The following EIF3H variants were observed in gnomAD, a reference collection of about 807,000 sequenced individuals.
EIF3H encodes the protein eukaryotic translation initiation factor 3 subunit H, also known as eIF-3-gamma.
Under a neutral mutation model 44.2 loss-of-function variants are expected in EIF3H, and 26 were observed. The ratio of observed to expected loss-of-function variants is 0.59; its 90% CI spans 0.43 to 0.82. EIF3H has a LOEUF of 0.82. Among genes scored for constraint, EIF3H ranks in the 40% least tolerant of loss-of-function variants. The pLI is 0.00. For missense variants in EIF3H, 359 were observed against 432.8 expected (o/e 0.83, Z 1.51); for synonymous variants, 166 against 151.9 (o/e 1.09, Z -0.68).
At chr8:116,752,718 A>AAGAAG (rs1815366852) in intron 1 of EIF3H, among the ~76,000 whole-genome samples, 1 of 121,902 alleles carries the variant, frequency 8.2e-6, no homozygotes, top group Non-Finnish European at 1.8e-5. Flanking sequence ...GAAAGAAAGA[A>AAGAAG]AGAAAGAAAG....
chr8:116,705,163 G>A (rs761450813), intron 2 of EIF3H, among the ~76,000 whole-genome samples: 2 of 152,120 alleles, frequency 1.3e-5, no homozygotes, highest in Non-Finnish European at 2.9e-5. Flanking sequence ...ATAATCAACA[G>A]TATGACCAAG....
At chr8:116,757,989 T>G (rs1328201982), upstream of EIF3H, among the ~76,000 whole-genome samples, 1 of 152,232 alleles carries the variant, frequency 6.6e-6, no homozygotes, top group African/African-American at 2.4e-5. Flanking sequence ...CCCAAAGTGC[T>G]GGGATTATAG....
chr8:116,647,029 A>G (rs916263456), intron 6 of EIF3H, among the ~76,000 whole-genome samples: 2 of 152,190 alleles, frequency 1.3e-5, no homozygotes, highest in African/African-American at 4.8e-5. Flanking sequence ...TTGACCTAAA[A>G]TAACAATACA....
At chr8:116,760,496 C>T (rs1452430982), upstream of EIF3H, among the ~76,000 whole-genome samples, 1 of 152,114 alleles carries the variant, frequency 6.6e-6, no homozygotes. Flanking sequence ...AGCATGTGGT[C>T]ATTTTCTGTA....
chr8:116,737,463 C>G (rs1432188942), intron 1 of EIF3H, among the ~76,000 whole-genome samples: 1 of 152,094 alleles, frequency 6.6e-6, no homozygotes, highest in African/African-American at 2.4e-5. Flanking sequence ...CGAGACCACT[C>G]TGGCCAACAT....
intron 2 of EIF3H, among the ~76,000 whole-genome samples, chr8:116,666,753 CAAAAAAAAAAAAA>C (rs56700266): frequency 2.8e-5 from 2 of 71,432 alleles, no homozygotes; most frequent in Non-Finnish European, 4.6e-5. Context: ...TAGTGTTAGG[CAAAAAAAAAAAAA>C]AAAAAAAAAA....
chr8:116,660,942 C>A (rs1490731374), intron 2 of EIF3H, among the ~76,000 whole-genome samples: 1 of 152,194 alleles, frequency 6.6e-6, no homozygotes, highest in Non-Finnish European at 1.5e-5. Flanking sequence ...CACAATATGA[C>A]AGCCGAAAAA....
chr8:116,657,146 G>A, intron 4 of EIF3H, 69 bp downstream of exon 4: 1 of 1,321,700 alleles, frequency 7.6e-7, no homozygotes, highest in Non-Finnish European at 1.1e-6. Flanking sequence ...AAGGATTCAA[G>A]AGATGTGGCA....
upstream of EIF3H, chr8:116,756,002 T>C (rs551786527): frequency 9.7e-5 from 149 of 1,536,188 alleles, 2 homozygotes; most frequent in South Asian, 1.0e-3. Context: ...ATTTTCGACC[T>C]CTTTCCGATG....
At chr8:116,709,779 A>G (rs1456372298) in intron 2 of EIF3H, among the ~76,000 whole-genome samples, 4 of 152,242 alleles carry the variant, frequency 2.6e-5, no homozygotes, top group Non-Finnish European at 5.9e-5. Flanking sequence ...ATCTACCTCA[A>G]CATTGTGCCA....
chr8:116,730,211 G>C (rs1057393087), intron 1 of EIF3H, among the ~76,000 whole-genome samples: 3 of 152,184 alleles, frequency 2.0e-5, no homozygotes, highest in Admixed American at 2.0e-4. Context: ...GCCACGGACA[G>C]GTACTGCTCG....
At chr8:116,724,108 A>T (rs1814795562) in intron 2 of EIF3H, among the ~76,000 whole-genome samples, 1 of 152,230 alleles carries the variant, frequency 6.6e-6, no homozygotes, top group Non-Finnish European at 1.5e-5. Context: ...ACAGACATAC[A>T]GACCAGTGGA....
At chr8:116,739,798 G>T (rs1815101271) in intron 1 of EIF3H, among the ~76,000 whole-genome samples, 1 of 152,114 alleles carries the variant, frequency 6.6e-6, no homozygotes, top group South Asian at 2.1e-4. Flanking sequence ...GCTGGGTTAG[G>T]GTCTCCCCGA....
chr8:116,646,548 G>A lies in EIF3H; in HGVS notation c.884C>T (p.Pro295Leu), dbSNP rs1804928. The change falls in exon 7 of 8, where the codon CCG becomes CTG. Residue 295 changes from proline to leucine, a missense_variant. Pro to Leu is a moderately conservative substitution (Grantham distance 98, BLOSUM62 -3). This residue lies in a region of EIF3H where 94 missense variants were observed against 96.0 expected (regional missense o/e 0.98). Transcript: ENST00000521861. Reference protein sequence around the residue: ...NMQRQSRGEPPLPEEDLSKLF... With the variant: ...NMQRQSRGEPLLPEEDLSKLF... ...TTTGGACAGGTCCTCCTCAGGGAGC[G>A]GGGGTTCTCCTCGGCTCTGGCGCTG... The A allele has an allele frequency of 7.2e-5, 116 of 1,614,118 alleles. No individual in the cohort carries two copies. In the East Asian group the frequency reaches 2.3e-3, roughly 31 times the overall value.
intron 2 of EIF3H, among the ~76,000 whole-genome samples, chr8:116,700,285 A>G (rs1337129112): frequency 6.6e-6 from 1 of 152,238 alleles, no homozygotes; most frequent in Non-Finnish European, 1.5e-5. Flanking sequence ...ATAGCAGCTG[A>G]AACAAAATAT....
intron 2 of EIF3H, among the ~76,000 whole-genome samples, chr8:116,683,208 C>T (rs1227401273): frequency 1.3e-5 from 2 of 152,206 alleles, no homozygotes; most frequent in Admixed American, 6.5e-5. Context: ...TTCAATTTCA[C>T]TTGTGTATTG....
At chr8:116,667,821 C>G (rs914064228) in intron 2 of EIF3H, among the ~76,000 whole-genome samples, 8 of 152,176 alleles carry the variant, frequency 5.3e-5, no homozygotes. Flanking sequence ...AATAAGGTTG[C>G]CCAATGAACT....
upstream of EIF3H, chr8:116,755,884 T>A: frequency 1.3e-6 from 2 of 1,578,844 alleles, no homozygotes; most frequent in Non-Finnish European, 1.7e-6. Flanking sequence ...CAGGCCGGCG[T>A]TCGAGGGGCG....
chr8:116,684,226 G>A (rs1814037082), intron 2 of EIF3H, among the ~76,000 whole-genome samples: 2 of 152,108 alleles, frequency 1.3e-5, no homozygotes, highest in African/African-American at 4.8e-5. Context: ...CACTGGAGAG[G>A]GCCAAGATGA....
Sources: allele counts gnomAD v4.1 joint callset (sites outside exome capture counted in the v4.1 genomes callset), GRCh38; gene constraint gnomAD v4.1.1; regional missense constraint gnomAD v4.1.1; transcripts MANE v1.5; gene names NCBI Gene and HGNC (gene_info 2026-07-23, HGNC 2026-07-21).